CCSER1: variants seen among roughly 807,000 people sequenced by gnomAD.
CCSER1 encodes the protein serine-rich coiled-coil domain-containing protein 1.
Under a neutral mutation model 82.0 loss-of-function variants are expected in CCSER1, and 41 were observed. The observed-to-expected ratio is 0.50, with a 90% CI of 0.39 to 0.65. CCSER1 has a LOEUF of 0.65. Ranked by LOEUF, CCSER1 falls within the 30% of genes least tolerant of loss-of-function variation. The probability of loss-of-function intolerance (pLI) is 0.00; values close to 1 mark genes in which losing one functional copy is unlikely to be tolerated. For missense variants in CCSER1, 1,119 were observed against 1,064.2 expected, an observed-to-expected ratio of 1.05 and a Z score of -0.72; for synonymous variants, 414 against 383.9, an observed-to-expected ratio of 1.08 and a Z score of -0.92.
At chr4:91,428,700 G>C (rs1263573304) in intron 10 of CCSER1, among the ~76,000 whole-genome samples, 2 of 151,834 alleles carry the variant, frequency 1.3e-5, no homozygotes, top group Non-Finnish European at 2.9e-5. Context: ...AGTATTCGTA[G>C]GTACAGTTTC....
chr4:91,310,842 CT>C (rs1258550092), intron 10 of CCSER1, among the ~76,000 whole-genome samples: 1 of 151,706 alleles, frequency 6.6e-6, no homozygotes, highest in African/African-American at 2.4e-5. Flanking sequence ...CATTCTGAGA[CT>C]TTTTTTGTGA....
chr4:91,432,614 A>G (rs1035227575), intron 10 of CCSER1, among the ~76,000 whole-genome samples: 2 of 152,088 alleles, frequency 1.3e-5, no homozygotes, highest in Non-Finnish European at 2.9e-5. Context: ...CTCTATGTAG[A>G]TTTATTTGCA....
At chr4:90,608,941 G>C (rs1340586119) in intron 5 of CCSER1, among the ~76,000 whole-genome samples, 1 of 151,846 alleles carries the variant, frequency 6.6e-6, no homozygotes, top group Non-Finnish European at 1.5e-5. Flanking sequence ...TTCACCTTAT[G>C]ATTTTGTTGA....
At chr4:90,254,204 T>C (rs1174249785) in intron 1 of CCSER1, among the ~76,000 whole-genome samples, 1 of 152,180 alleles carries the variant, frequency 6.6e-6, no homozygotes, top group Non-Finnish European at 1.5e-5. Context: ...CCATGCCCTG[T>C]CCCAAATAAA....
At chr4:91,077,806 C>A (rs546619140) in intron 9 of CCSER1, among the ~76,000 whole-genome samples, 47 of 152,356 alleles carry the variant, frequency 3.1e-4, no homozygotes, top group South Asian at 1.0e-3. Flanking sequence ...TATCCCACAC[C>A]TGGTTCAGAG....
chr4:90,338,149 C>G lies in CCSER1; in HGVS notation c.1509+25102C>G, dbSNP rs1445291182. Among the ~76,000 whole-genome samples, 4 of 152,132 alleles carry G rather than the reference C, an allele frequency of 2.6e-5. No individual in the cohort carries two copies. In the East Asian group the frequency reaches 7.7e-4, roughly 29 times the overall value. ...ATTCACTGCTAGTTTTGGGACTTGC[C>G]CCATCTAAGATAGTGGTTGTCCTCA... On this transcript the variant is annotated intron_variant, in intron 3 of 10. Coordinates refer to ENST00000509176, the MANE Select transcript of CCSER1 (RefSeq NM_001145065.2).
chr4:90,147,285 T>C (rs1237672181), intron 1 of CCSER1, among the ~76,000 whole-genome samples: 1 of 152,036 alleles, frequency 6.6e-6, no homozygotes, highest in Non-Finnish European at 1.5e-5. Flanking sequence ...TTAATCCCCA[T>C]TGTTGTTTAT....
At chr4:90,905,755 AC>A (rs1725377109) in intron 8 of CCSER1, among the ~76,000 whole-genome samples, 1 of 151,652 alleles carries the variant, frequency 6.6e-6, no homozygotes, top group African/African-American at 2.4e-5. Flanking sequence ...TATACATCCC[AC>A]TCCTTTGCTC....
At chr4:91,034,862 G>A (rs542184138) in intron 9 of CCSER1, among the ~76,000 whole-genome samples, 44 of 152,148 alleles carry the variant, frequency 2.9e-4, no homozygotes, top group Admixed American at 7.2e-4. Context: ...GAACTAAATT[G>A]GAAGTCCACA....
chr4:90,655,914 AG>A (rs1729618847), intron 6 of CCSER1, among the ~76,000 whole-genome samples: 1 of 151,942 alleles, frequency 6.6e-6, no homozygotes, highest in Non-Finnish European at 1.5e-5. Context: ...AAAAATCCTC[AG>A]AATACGTGTG....
intron 4 of CCSER1, among the ~76,000 whole-genome samples, chr4:90,444,499 A>C (rs1050945662): frequency 3.3e-5 from 5 of 151,938 alleles, no homozygotes; most frequent in Non-Finnish European, 7.4e-5. Flanking sequence ...CATGTTTCAA[A>C]TTTCTTCAGC....
chr4:90,321,431 G>A (rs1188397938), intron 3 of CCSER1, among the ~76,000 whole-genome samples: 1 of 152,104 alleles, frequency 6.6e-6, no homozygotes, highest in Non-Finnish European at 1.5e-5. Context: ...TCTATTGTGT[G>A]TATGTACCAC....
intron 10 of CCSER1, among the ~76,000 whole-genome samples, chr4:91,287,276 G>C (rs1012054524): frequency 6.6e-6 from 1 of 151,822 alleles, no homozygotes; most frequent in South Asian, 2.1e-4. Flanking sequence ...TCTAATAAGT[G>C]TCTGTAAGAA....
intron 3 of CCSER1, among the ~76,000 whole-genome samples, chr4:90,351,540 A>G (rs947104215): frequency 1.7e-4 from 26 of 152,296 alleles, no homozygotes; most frequent in Admixed American, 7.8e-4. Flanking sequence ...TTCCACTTAT[A>G]ATAACAAAAA....
chr4:91,389,437 C>A (rs1353798821), intron 10 of CCSER1, among the ~76,000 whole-genome samples: 2 of 151,934 alleles, frequency 1.3e-5, no homozygotes, highest in Non-Finnish European at 2.9e-5. Context: ...TACCTATTTG[C>A]TTATTCATTT....
intron 8 of CCSER1, among the ~76,000 whole-genome samples, chr4:90,910,195 G>A (rs1726126226): frequency 6.6e-6 from 1 of 152,094 alleles, no homozygotes; most frequent in Admixed American, 6.5e-5. Context: ...AACAGCAAGG[G>A]GGAAATCTGC....
At chr4:90,683,279 T>C (rs1186066817) in intron 6 of CCSER1, among the ~76,000 whole-genome samples, 2 of 152,116 alleles carry the variant, frequency 1.3e-5, no homozygotes, top group Admixed American at 1.3e-4. Flanking sequence ...TATGAAAAAA[T>C]ACACTCATAT....
chr4:90,294,877 C>T (rs1179503372), intron 1 of CCSER1, among the ~76,000 whole-genome samples: 4 of 151,812 alleles, frequency 2.6e-5, no homozygotes, highest in African/African-American at 7.3e-5. Context: ...AAATCATACA[C>T]ACATATGATT....
At chr4:90,161,965 A>G (rs1729540489) in intron 1 of CCSER1, among the ~76,000 whole-genome samples, 1 of 152,126 alleles carries the variant, frequency 6.6e-6, no homozygotes, top group Non-Finnish European at 1.5e-5. Flanking sequence ...CAAGTAGACA[A>G]ATGTTGCATT....
Sources: allele counts gnomAD v4.1 joint callset (sites outside exome capture counted in the v4.1 genomes callset), GRCh38; gene constraint gnomAD v4.1.1; transcripts MANE v1.5; gene names NCBI Gene and HGNC (gene_info 2026-07-23, HGNC 2026-07-21).